The following BACH2 variants were observed in gnomAD, a reference collection of about 807,000 sequenced individuals.
BACH2 encodes the protein transcription regulator protein BACH2.
A neutral mutation model predicts 61.8 loss-of-function variants in BACH2; 5 were observed. That is an observed-to-expected ratio of 0.08 (90% CI 0.04 to 0.17). BACH2 has a LOEUF of 0.17. Ranked by LOEUF, BACH2 falls within the 10% of genes least tolerant of loss-of-function variation. The pLI, the probability that BACH2 is intolerant of heterozygous loss-of-function variation, is 1.00. For missense variants in BACH2, 824 were observed against 1,091.1 expected (o/e 0.76, Z 3.45); for synonymous variants, 446 against 440.1 (o/e 1.01, Z -0.17).
At chr6:90,050,288 A>C (rs1779979673) in intron 5 of BACH2, among the ~76,000 whole-genome samples, 1 of 152,218 alleles carries the variant, frequency 6.6e-6, no homozygotes, top group Non-Finnish European at 1.5e-5. Flanking sequence ...ATGAATTTTA[A>C]TATAATGGAG....
chr6:90,013,592 T>C (rs567228055), intron 5 of BACH2, among the ~76,000 whole-genome samples: 41 of 151,068 alleles, frequency 2.7e-4, no homozygotes, highest in East Asian at 7.8e-4. Flanking sequence ...CTGCAAGCTC[T>C]GCCTCCTGGG....
chr6:89,952,031 T>C (rs1007501009), intron 6 of BACH2, 169 bp from the exon 7 acceptor site: 20 of 760,322 alleles, frequency 2.6e-5, no homozygotes, highest in Non-Finnish European at 3.5e-5. Context: ...TTCCAATAAT[T>C]AGTGCCTGTC....
At chr6:89,968,530 T>C (rs1184973522) in intron 6 of BACH2, among the ~76,000 whole-genome samples, 1 of 152,248 alleles carries the variant, frequency 6.6e-6, no homozygotes, top group Non-Finnish European at 1.5e-5. Flanking sequence ...TGGATGACAG[T>C]ATTTAAGAAA....
chr6:90,175,874 C>G (rs183380978), intron 4 of BACH2, among the ~76,000 whole-genome samples: 1 of 152,190 alleles, frequency 6.6e-6, no homozygotes, highest in East Asian at 1.9e-4. Flanking sequence ...CAATATTTCT[C>G]TGCCTTTACT....
chr6:90,078,237 C>T (rs1286893756), intron 5 of BACH2, among the ~76,000 whole-genome samples: 1 of 152,076 alleles, frequency 6.6e-6, no homozygotes, highest in Non-Finnish European at 1.5e-5. Context: ...TTGATTACAA[C>T]ATTAGCACTC....
intron 5 of BACH2, among the ~76,000 whole-genome samples, chr6:90,044,136 T>C (rs547140035): frequency 6.6e-6 from 1 of 152,236 alleles, no homozygotes; most frequent in Admixed American, 6.5e-5. Context: ...AAGGGCAATA[T>C]ACACACAAAC....
intron 8 of BACH2, among the ~76,000 whole-genome samples, chr6:89,936,220 C>T (rs944487792): frequency 3.3e-5 from 5 of 152,164 alleles, no homozygotes; most frequent in Non-Finnish European, 7.3e-5. Context: ...AGCACTAAGC[C>T]AGAGGTCAGA....
At chr6:90,206,505 T>C (rs1275332473) in intron 4 of BACH2, 64 bp downstream of exon 4, 1 of 152,302 alleles carries the variant, frequency 6.6e-6, no homozygotes, top group Non-Finnish European at 1.5e-5. Context: ...AAGACATATG[T>C]ACTCCAGAAA....
Position 90,142,019 on chromosome 6 carries a change from A to G in BACH2, c.-161-52910T>C, listed in dbSNP as rs900121226. On this transcript the variant is annotated intron_variant, in intron 4 of 8. Transcript: ENST00000257749. ...CACTTGAACCCATGAGGTCGAGGTT[A>G]TAAGTGAGCTGAGATTGCACCACTG... is the stretch of plus-strand genomic sequence containing the variant. 7.9e-5 allele frequency among the ~76,000 whole-genome samples: 12 copies of G among 152,374 alleles called. No individual in the cohort carries two copies. The South Asian group carries it at 2.3e-3, about 29-fold the overall frequency.
chr6:89,999,692 T>C lies in BACH2; in HGVS notation c.243+8910A>G, dbSNP rs1777032319. Among the ~76,000 whole-genome samples the C allele has an allele frequency of 3.3e-5, 5 of 152,234 alleles. No individual in the cohort carries two copies. In the South Asian group the frequency reaches 8.3e-4, roughly 25 times the overall value. On this transcript the variant is annotated intron_variant, in intron 6 of 8. Coordinates refer to ENST00000257749, the MANE Select transcript of BACH2 (RefSeq NM_021813.4). Reference sequence around the variant, plus strand: ...AAGCTATTATTAATTTTAATTGAAATAGCTAAGAGACTCCATAATGGGAGA... The same window carrying C: ...AAGCTATTATTAATTTTAATTGAAACAGCTAAGAGACTCCATAATGGGAGA...
At chr6:90,153,787 G>A (rs1784903038) in intron 4 of BACH2, among the ~76,000 whole-genome samples, 1 of 152,146 alleles carries the variant, frequency 6.6e-6, no homozygotes, top group Non-Finnish European at 1.5e-5. Context: ...CTATGTTATG[G>A]AACCTAGAGA....
At chr6:90,224,361 G>T (rs1308002064) in intron 3 of BACH2, among the ~76,000 whole-genome samples, 1 of 152,178 alleles carries the variant, frequency 6.6e-6, no homozygotes, top group African/African-American at 2.4e-5. Context: ...CCATCCCACA[G>T]AGGCTCTGAA....
At chr6:89,989,560 C>G (rs9451310) in intron 6 of BACH2, among the ~76,000 whole-genome samples, 68,889 of 151,866 alleles carry the variant, frequency 0.45, 16,485 homozygotes, top group African/African-American at 0.6. Context: ...ATCCTCCGGG[C>G]GTGGAGCATG....
intron 3 of BACH2, among the ~76,000 whole-genome samples, chr6:90,236,984 C>T (rs745641942): frequency 2.6e-5 from 4 of 151,856 alleles, no homozygotes; most frequent in Non-Finnish European, 5.9e-5. Flanking sequence ...AGTGCAGTGG[C>T]GCAATCTCAG....
chr6:90,113,925 T>C (rs995256974), intron 4 of BACH2, among the ~76,000 whole-genome samples: 20 of 152,010 alleles, frequency 1.3e-4, no homozygotes, highest in Non-Finnish European at 2.5e-4. Context: ...CTAGACAAGA[T>C]GGATAAATTC....
chr6:90,144,251 C>CT (rs1287464571), intron 4 of BACH2, among the ~76,000 whole-genome samples: 4 of 152,144 alleles, frequency 2.6e-5, no homozygotes, highest in African/African-American at 4.8e-5. Flanking sequence ...AAAGAAAAGT[C>CT]TATTTATTTA....
intron 5 of BACH2, among the ~76,000 whole-genome samples, chr6:90,018,609 G>A (rs1046361746): frequency 6.6e-6 from 1 of 152,154 alleles, no homozygotes; most frequent in Non-Finnish European, 1.5e-5. Context: ...TTATGCTACA[G>A]CTACTCCAAA....
intron 5 of BACH2, among the ~76,000 whole-genome samples, chr6:90,041,236 T>G (rs1779518392): frequency 6.6e-6 from 1 of 152,082 alleles, no homozygotes; most frequent in African/African-American, 2.4e-5. Context: ...GGTAGCTAAT[T>G]TGACTCTGCA....
At chr6:90,257,413 T>C (rs1475353069) in intron 2 of BACH2, among the ~76,000 whole-genome samples, 1 of 152,180 alleles carries the variant, frequency 6.6e-6, no homozygotes, top group Non-Finnish European at 1.5e-5. Context: ...ATAACAGCCA[T>C]CCTAACAGTT....
Sources: allele counts gnomAD v4.1 joint callset (sites outside exome capture counted in the v4.1 genomes callset), GRCh38; gene constraint gnomAD v4.1.1; transcripts MANE v1.5; gene names NCBI Gene and HGNC (gene_info 2026-07-23, HGNC 2026-07-21).